Variants in APBA2 observed in about 807,000 individuals in gnomAD.
The protein encoded by APBA2 is amyloid beta precursor protein binding family A member 2.
A neutral mutation model predicts 75.0 loss-of-function variants in APBA2; 30 were observed. That is an observed-to-expected ratio of 0.40 (90% CI 0.30 to 0.54). APBA2 has a LOEUF of 0.54. APBA2 is among the 20% of genes least tolerant of loss of function. APBA2 has a pLI of 0.49. For missense variants in APBA2, 801 were observed against 1,016.1 expected, an observed-to-expected ratio of 0.79 and a Z score of 2.88; for synonymous variants, 444 against 409.6, an observed-to-expected ratio of 1.08 and a Z score of -1.01.
At chr15:28,890,821 A>G (rs1445426468) in intron 1 of APBA2, among the ~76,000 whole-genome samples, 1 of 152,202 alleles carries the variant, frequency 6.6e-6, no homozygotes, top group African/African-American at 2.4e-5. Flanking sequence ...ACAGCAAGTC[A>G]TTTGGTGTGG....
intron 1 of APBA2, among the ~76,000 whole-genome samples, chr15:28,910,265 G>T (rs2033367728): frequency 6.6e-6 from 1 of 152,164 alleles, no homozygotes; most frequent in Non-Finnish European, 1.5e-5. Flanking sequence ...AGACATGCTG[G>T]TCAGTTTTCC....
intron 1 of APBA2, among the ~76,000 whole-genome samples, chr15:28,898,584 G>A (rs969633629): frequency 2.6e-5 from 4 of 152,184 alleles, no homozygotes; most frequent in African/African-American, 9.7e-5. Flanking sequence ...GGAGGCCCAG[G>A]GGGAGGGAAG....
At chr15:29,074,149 G>A (rs542358730) in intron 4 of APBA2, among the ~76,000 whole-genome samples, 26 of 152,246 alleles carry the variant, frequency 1.7e-4, no homozygotes, top group African/African-American at 5.8e-4. Flanking sequence ...AGGTATGTAC[G>A]TAAAGGAAGT....
intron 1 of APBA2, among the ~76,000 whole-genome samples, chr15:28,901,943 T>TGTGTGTGTGTGTGTGTGTTG (rs2032888273): frequency 7.0e-6 from 1 of 142,146 alleles, no homozygotes; most frequent in African/African-American, 2.6e-5. Context: ...TGTGTGTGTA[T>TGTGTGTGTGTGTGTGTGTTG]GTTGGGGGTC....
intron 1 of APBA2, among the ~76,000 whole-genome samples, chr15:28,920,336 G>T (rs145058809): frequency 3.9e-4 from 60 of 152,364 alleles, no homozygotes; most frequent in African/African-American, 1.3e-3. Context: ...GGGATTTGGG[G>T]TGTGATGGGG....
At chr15:29,098,977 G>GGCA (rs1222320581) in intron 9 of APBA2, among the ~76,000 whole-genome samples, 1 of 144,388 alleles carries the variant, frequency 6.9e-6, no homozygotes, top group African/African-American at 2.8e-5. Context: ...CGGGCACAGG[G>GGCA]GCGCCCTTCC....
At chr15:29,080,189 G>A (rs1405027758) in intron 6 of APBA2, among the ~76,000 whole-genome samples, 1 of 152,168 alleles carries the variant, frequency 6.6e-6, no homozygotes, top group Non-Finnish European at 1.5e-5. Flanking sequence ...AGTGTTTTAA[G>A]TATATCAACT....
intron 1 of APBA2, among the ~76,000 whole-genome samples, chr15:28,921,048 G>A (rs1231226128): frequency 2.0e-5 from 3 of 152,160 alleles, no homozygotes; most frequent in African/African-American, 7.2e-5. Flanking sequence ...GCACCAGCAC[G>A]TGGGCACCAT....
At chr15:29,045,163 C>T (rs569392166) in intron 3 of APBA2, among the ~76,000 whole-genome samples, 36 of 150,808 alleles carry the variant, frequency 2.4e-4, no homozygotes, top group South Asian at 4.3e-4. Flanking sequence ...CTGCAACCTC[C>T]GCCTCCCAGG....
chr15:28,932,808 A>ATGAG (rs2034631875), intron 2 of APBA2, among the ~76,000 whole-genome samples: 1 of 152,162 alleles, frequency 6.6e-6, no homozygotes, highest in African/African-American at 2.4e-5. Context: ...AAGTGATGGG[A>ATGAG]CCTTTGGGAG....
chr15:28,902,050 A>T (rs148720406), intron 1 of APBA2, among the ~76,000 whole-genome samples: 16 of 150,678 alleles, frequency 1.1e-4, no homozygotes, highest in Middle Eastern at 3.4e-3. Context: ...CAGGCATCAC[A>T]GATGGGGGCT....
intron 2 of APBA2, among the ~76,000 whole-genome samples, chr15:28,994,898 T>G (rs949648646): frequency 1.3e-5 from 2 of 152,216 alleles, no homozygotes; most frequent in African/African-American, 4.8e-5. Flanking sequence ...GCTCGCAGCC[T>G]GGCCCGGCTC....
chr15:28,988,459 T>G (rs2038045002), intron 2 of APBA2, among the ~76,000 whole-genome samples: 1 of 152,114 alleles, frequency 6.6e-6, no homozygotes, highest in South Asian at 2.1e-4. Context: ...AGACGAGGTT[T>G]CGCCATGTTG....
intron 1 of APBA2, among the ~76,000 whole-genome samples, chr15:28,901,651 C>A (rs1407757946): frequency 6.6e-6 from 1 of 152,010 alleles, no homozygotes; most frequent in Non-Finnish European, 1.5e-5. Flanking sequence ...TGGATGCAGC[C>A]CCTTCTCATC....
chr15:28,897,969 G>A (rs913575371), intron 1 of APBA2, among the ~76,000 whole-genome samples: 4 of 152,178 alleles, frequency 2.6e-5, no homozygotes, highest in Non-Finnish European at 4.4e-5. Flanking sequence ...GGCCCTAAAT[G>A]CCATCCTCAA....
chr15:28,915,739 AAC>A (rs1412428825), intron 1 of APBA2, among the ~76,000 whole-genome samples: 2 of 148,470 alleles, frequency 1.3e-5, no homozygotes, highest in Non-Finnish European at 3.0e-5. Flanking sequence ...ATGCACACAA[AAC>A]ACACACACTC....
At chr15:28,909,153 A>T (rs938499899) in intron 1 of APBA2, among the ~76,000 whole-genome samples, 7 of 148,480 alleles carry the variant, frequency 4.7e-5, no homozygotes, top group Non-Finnish European at 7.5e-5. Context: ...TGCCTGGCTA[A>T]TTTTTTTTTT....
intron 1 of APBA2, among the ~76,000 whole-genome samples, chr15:28,908,530 C>T (rs919185485): frequency 2.0e-5 from 3 of 151,958 alleles, no homozygotes; most frequent in South Asian, 2.1e-4. Context: ...CAGATGGTCT[C>T]GATCTCCTGA....
At chr15:29,040,719 C>A (rs2040993882) in intron 3 of APBA2, among the ~76,000 whole-genome samples, 1 of 152,162 alleles carries the variant, frequency 6.6e-6, no homozygotes, top group Admixed American at 6.5e-5. Flanking sequence ...TCTCAACATT[C>A]TCTCTCATTC....
Sources: allele counts gnomAD v4.1 joint callset (sites outside exome capture counted in the v4.1 genomes callset), GRCh38; gene constraint gnomAD v4.1.1; transcripts MANE v1.5; gene names NCBI Gene and HGNC (gene_info 2026-07-23, HGNC 2026-07-21).